Variants in TAOK1 observed in about 807,000 individuals in gnomAD.
TAOK1 encodes TAO kinase 1.
TAOK1 carries 21 observed loss-of-function variants against 138.3 expected under a neutral mutation model. The observed-to-expected ratio is 0.15, with a 90% CI of 0.11 to 0.22. The LOEUF is 0.22. TAOK1 is among the 10% of genes least tolerant of loss of function. The pLI is 1.00. For synonymous variants in TAOK1, 361 were observed against 398.4 expected (o/e 0.91, Z 1.12); for missense variants, 651 against 1,227.7 (o/e 0.53, Z 7.02).
chr17:29,523,671 C>T (rs2031960032), intron 17 of TAOK1, among the ~76,000 whole-genome samples: 1 of 152,212 alleles, frequency 6.6e-6, no homozygotes, highest in African/African-American at 2.4e-5. Flanking sequence ...CAGGCATGAA[C>T]CACCGCACCT....
intron 11 of TAOK1, 90 bp from the exon 12 acceptor site, chr17:29,498,228 A>C (rs900824030): frequency 3.8e-6 from 5 of 1,319,586 alleles, no homozygotes; most frequent in Non-Finnish European, 5.4e-6. Context: ...ACTGTCTGCC[A>C]AGTGGTATGC....
rs2030576269 is a variant in TAOK1 at position 29,463,375 on chromosome 17, G to T, written c.133-3770G>T. Among the ~76,000 whole-genome samples the T allele has an allele frequency of 2.0e-5, 3 of 152,186 alleles. No homozygotes were observed. The South Asian group carries it at 6.2e-4, about 32-fold the overall frequency. On this transcript the variant is annotated intron_variant, in intron 2 of 19. Transcript: ENST00000261716. The stretch of plus-strand genomic sequence containing the variant: ...ACCCAAGGTCAGGAGTTTGAGACCA[G>T]CCTGGCCAACGTGGCGAAACCCCAT...
At chr17:29,451,815 C>CACGAGA (rs1281872004) in intron 2 of TAOK1, 135 bp downstream of exon 2, 26 of 985,046 alleles carry the variant, frequency 2.6e-5, no homozygotes, top group African/African-American at 3.3e-5. Flanking sequence ...AGAGAGAGAG[C>CACGAGA]GCGAGAGCGA....
intron 17 of TAOK1, among the ~76,000 whole-genome samples, chr17:29,527,920 C>A (rs901378866): frequency 6.6e-6 from 1 of 152,208 alleles, no homozygotes; most frequent in African/African-American, 2.4e-5. Context: ...TAAATATTTT[C>A]ATCTCAGAAA....
chr17:29,411,093 T>G (rs934392405), intron 1 of TAOK1, among the ~76,000 whole-genome samples: 296 of 137,362 alleles, frequency 2.2e-3, no homozygotes, highest in African/African-American at 7.6e-3. Context: ...TTACTGTTTT[T>G]TTTTTTTTTT....
At chr17:29,399,099 A>C in intron 1 of TAOK1, among the ~76,000 whole-genome samples, 1 of 147,010 alleles carries the variant, frequency 6.8e-6, no homozygotes, top group Non-Finnish European at 1.5e-5. Flanking sequence ...TGATCCACCC[A>C]CCTTTGCCCT....
In TAOK1 at chr17:29,536,720, G is replaced by A. The variant is rs1186316478; in HGVS notation, c.2544+2420G>A. Among the ~76,000 whole-genome samples the A allele has an allele frequency of 1.0e-4, 13 of 126,948 alleles. 1 individual carries two copies. In the South Asian group the frequency reaches 3.0e-3, roughly 29 times the overall value. 83.3% of individuals were successfully genotyped at this position (126,948 alleles called of 152,430 possible). A position where few individuals can be genotyped will look rare whatever the true frequency, so the allele number is the denominator to read the frequency against. ...TCAAACTTTTTTTTTTTTTTTTTGAGACGGAGTCTGGCTGTGTGGCCCAGG... is the reference window on the plus strand; with the variant it reads ...TCAAACTTTTTTTTTTTTTTTTTGAAACGGAGTCTGGCTGTGTGGCCCAGG... On this transcript the variant is annotated intron_variant, in intron 19 of 19. Transcript: ENST00000261716.
At chr17:29,519,785 C>G (rs1029346448) in intron 16 of TAOK1, among the ~76,000 whole-genome samples, 2 of 152,150 alleles carry the variant, frequency 1.3e-5, no homozygotes, top group African/African-American at 4.8e-5. Flanking sequence ...CAGGATTTAA[C>G]AGTAGCTTTT....
intron 2 of TAOK1, among the ~76,000 whole-genome samples, chr17:29,464,823 T>C (rs2030619986): frequency 8.6e-6 from 1 of 116,340 alleles, no homozygotes; most frequent in Non-Finnish European, 1.7e-5. Flanking sequence ...AAGCTCTGTC[T>C]TTTTTTTTTT....
intron 1 of TAOK1, among the ~76,000 whole-genome samples, chr17:29,439,728 T>G (rs1906153221): frequency 6.6e-6 from 1 of 151,954 alleles, no homozygotes. Context: ...TATAGATATC[T>G]AAATAGTCCA....
At chr17:29,421,468 A>G (rs1321752384) in intron 1 of TAOK1, among the ~76,000 whole-genome samples, 1 of 152,178 alleles carries the variant, frequency 6.6e-6, no homozygotes, top group East Asian at 1.9e-4. Context: ...TATATGCTGG[A>G]AGAGTTTATG....
intron 6 of TAOK1, among the ~76,000 whole-genome samples, chr17:29,478,821 C>T (rs1325601726): frequency 1.3e-5 from 2 of 151,958 alleles, no homozygotes; most frequent in South Asian, 2.1e-4. Context: ...ATGACATGGA[C>T]GAATAAAAGC....
At chr17:29,433,529 G>A (rs1451837049) in intron 1 of TAOK1, among the ~76,000 whole-genome samples, 1 of 151,966 alleles carries the variant, frequency 6.6e-6, no homozygotes, top group African/African-American at 2.4e-5. Flanking sequence ...GAACTTGTCC[G>A]TCCCATGGCT....
chr17:29,468,804 C>A (rs1318429537), intron 3 of TAOK1, among the ~76,000 whole-genome samples: 2 of 152,174 alleles, frequency 1.3e-5, no homozygotes, highest in Non-Finnish European at 2.9e-5. Flanking sequence ...CTGCCTTGGC[C>A]TCCCAAAGTA....
intron 14 of TAOK1, among the ~76,000 whole-genome samples, chr17:29,508,346 T>C (rs1351924751): frequency 6.6e-6 from 1 of 152,208 alleles, no homozygotes; most frequent in Non-Finnish European, 1.5e-5. Flanking sequence ...TAATTTTGTG[T>C]GTGGGTCATT....
At chr17:29,486,296 G>GA (rs1031174343) in intron 8 of TAOK1, among the ~76,000 whole-genome samples, 1 of 151,508 alleles carries the variant, frequency 6.6e-6, no homozygotes, top group Non-Finnish European at 1.5e-5. Context: ...CTCAAAAAAA[G>GA]AAAAAAAAGT....
At chr17:29,495,810 C>G in intron 11 of TAOK1, 83 bp downstream of exon 11, 2 of 1,244,668 alleles carry the variant, frequency 1.6e-6, no homozygotes, top group Non-Finnish European at 2.1e-6. Context: ...CATAATTTAC[C>G]TTATATACCA....
intron 1 of TAOK1, among the ~76,000 whole-genome samples, chr17:29,404,367 GC>G (rs1014376225): frequency 1.3e-5 from 2 of 152,116 alleles, no homozygotes; most frequent in Non-Finnish European, 2.9e-5. Flanking sequence ...TCACCGTGTT[GC>G]CCAGGCTGGT....
At chr17:29,443,363 T>C (rs985963274) in intron 1 of TAOK1, among the ~76,000 whole-genome samples, 1 of 152,240 alleles carries the variant, frequency 6.6e-6, no homozygotes, top group African/African-American at 2.4e-5. Flanking sequence ...TTATTGTCTA[T>C]TATTTGACTA....
Sources: gnomAD v4.1 joint callset for allele counts (sites outside exome capture counted in the v4.1 genomes callset) on GRCh38, gnomAD v4.1.1 for gene constraint, MANE v1.5 for transcripts, NCBI Gene and HGNC (gene_info 2026-07-23, HGNC 2026-07-21) for gene names.